The following PCDHA2 variants were observed in gnomAD, a reference collection of about 807,000 sequenced individuals.
The protein encoded by PCDHA2 is protocadherin alpha 2.
Under a neutral mutation model 66.0 loss-of-function variants are expected in PCDHA2, and 58 were observed. That is an observed-to-expected ratio of 0.88 (90% CI 0.71 to 1.09). PCDHA2 has a LOEUF of 1.09. Among genes scored for constraint, PCDHA2 ranks in the 50% least tolerant of loss-of-function variants. The pLI is 0.00. For missense variants in PCDHA2, 1,267 were observed against 1,242.3 expected, an observed-to-expected ratio of 1.02 and a Z score of -0.30; for synonymous variants, 634 against 554.0, an observed-to-expected ratio of 1.14 and a Z score of -2.03.
At chr5:140,927,399 TC>T (rs781939330) in intron 1 of PCDHA2, 1 of 1,614,076 alleles carries the variant, frequency 6.2e-7, no homozygotes. Context: ...GTCAGCACTT[TC>T]GCCTGGACAT....
chr5:140,869,249 C>T (rs1554162740), intron 1 of PCDHA2: 2 of 1,613,496 alleles, frequency 1.2e-6, no homozygotes, highest in Admixed American at 3.3e-5. Flanking sequence ...GGCCGCATCG[C>T]GCAGGACCTG....
intron 1 of PCDHA2, chr5:140,857,451 C>T (rs782451627): frequency 1.3e-6 from 2 of 1,598,488 alleles, no homozygotes; most frequent in Non-Finnish European, 1.7e-6. Flanking sequence ...GAGAACAACC[C>T]GCCAGGCTGC....
intron 1 of PCDHA2, chr5:140,926,614 C>A (rs2083406581): frequency 5.3e-6 from 2 of 377,642 alleles, no homozygotes; most frequent in Admixed American, 4.4e-5. Context: ...TCTCTGCACC[C>A]CTAGGCGGCG....
At chr5:140,802,929 A>C in intron 1 of PCDHA2, 1 of 1,613,804 alleles carries the variant, frequency 6.2e-7, no homozygotes, top group Non-Finnish European at 8.5e-7. Flanking sequence ...TGGCGCAGTG[A>C]GCGAGCTGGT....
intron 1 of PCDHA2, among the ~76,000 whole-genome samples, chr5:140,935,338 T>C (rs2090317634): frequency 1.3e-5 from 2 of 152,364 alleles, no homozygotes; most frequent in African/African-American, 4.8e-5. Context: ...ATTTCTCCCA[T>C]ACGTCAAATC....
At chr5:140,867,556 A>G (rs578116609) in intron 1 of PCDHA2, 33 of 152,264 alleles carry the variant, frequency 2.2e-4, no homozygotes, top group African/African-American at 7.5e-4. Flanking sequence ...TACACATATG[A>G]TAACTTTTTC....
chr5:140,957,954 T>G (rs2095401085), intron 1 of PCDHA2, among the ~76,000 whole-genome samples: 2 of 152,138 alleles, frequency 1.3e-5, no homozygotes, highest in Admixed American at 1.3e-4. Context: ...TTAAGACTAT[T>G]AATTCAGAGA....
Position 140,902,287 on chromosome 5 carries a change from C to T in PCDHA2, c.2389-76662C>T, listed in dbSNP as rs150308530. Among the ~76,000 whole-genome samples the T allele has an allele frequency of 1.9e-3, 280 of 150,946 alleles. 2 individuals are homozygous for T. The highest frequency in any genetic ancestry group is 6.5e-3 in the African/African-American group (266 of 41,018). ...TCCTGGGCTCAAGCAATCCTCCTGC[C>T]TCAGCCTCCCAAAGTGCTGGGATTA... is the stretch of plus-strand genomic sequence containing the variant. On this transcript the variant is annotated intron_variant, in intron 1 of 3. Transcript: ENST00000526136.
chr5:140,882,132 A>C, intron 1 of PCDHA2: 1 of 1,475,878 alleles, frequency 6.8e-7, no homozygotes. Flanking sequence ...TTCTTCCTGC[A>C]GAAAATATAG....
At chr5:141,001,216 G>T (rs938133871) in intron 3 of PCDHA2, among the ~76,000 whole-genome samples, 1 of 152,082 alleles carries the variant, frequency 6.6e-6, no homozygotes, top group Non-Finnish European at 1.5e-5. Context: ...GCTGTATAAG[G>T]ATAGTTACAT....
intron 1 of PCDHA2, chr5:140,843,336 G>A (rs2150357721): frequency 6.3e-7 from 1 of 1,596,074 alleles, no homozygotes; most frequent in South Asian, 1.1e-5. Context: ...CTGGTGGAGA[G>A]CGGCCAGGCT....
intron 1 of PCDHA2, among the ~76,000 whole-genome samples, chr5:140,954,899 T>C (rs2095107956): frequency 6.6e-6 from 1 of 152,196 alleles, no homozygotes; most frequent in South Asian, 2.1e-4. Flanking sequence ...GTTTTTATAG[T>C]TTCATACTTT....
chr5:140,822,334 G>A (rs2150115607), intron 1 of PCDHA2: 40,101 of 1,614,120 alleles, frequency 0.025, 600 homozygotes, highest in Non-Finnish European at 0.03. Flanking sequence ...AAATGAAGAA[G>A]AAACGAACTT....
Position 140,796,955 on chromosome 5 carries a change from C to G in PCDHA2, c.1991C>G (p.Thr664Ser), listed in dbSNP as rs1554120220. 6.2e-7 allele frequency: 1 copy of G among 1,613,830 alleles called. No homozygotes were observed. The highest frequency in any genetic ancestry group is 8.5e-7 in the Non-Finnish European group (1 of 1,179,988). Residue 664 changes from threonine (T) to serine (S), a missense_variant, in exon 1 of 4, where the codon ACC becomes AGC. By Grantham distance (58) the Thr-to-Ser change is moderately conservative (BLOSUM62 1). Coordinates refer to ENST00000526136, the MANE Select transcript of PCDHA2 (RefSeq NM_018905.3). ...HGEPALTATA[T>S]VLVSLVESGQ... ...GAACCAGCGTTGACAGCCACGGCCA[C>G]CGTGTTAGTGTCGTTGGTGGAAAGT...
intron 1 of PCDHA2, chr5:140,828,559 C>A (rs2150156735): frequency 8.1e-6 from 13 of 1,614,056 alleles, no homozygotes; most frequent in Non-Finnish European, 1.1e-5. Flanking sequence ...CACTGGAGGG[C>A]GCGTCCGATG....
intron 1 of PCDHA2, among the ~76,000 whole-genome samples, chr5:140,872,990 A>G (rs987650775): frequency 1.1e-4 from 17 of 152,184 alleles, no homozygotes; most frequent in African/African-American, 3.6e-4. Flanking sequence ...AAGATCATTT[A>G]CTTCTGAGTC....
chr5:140,801,539 G>C, intron 1 of PCDHA2: 1 of 1,614,262 alleles, frequency 6.2e-7, no homozygotes, highest in Non-Finnish European at 8.5e-7. Context: ...ACAGGCCGCT[G>C]CAGGTTTTCC....
chr5:140,883,859 T>C (rs1554180306), intron 1 of PCDHA2: 12 of 1,613,116 alleles, frequency 7.4e-6, no homozygotes, highest in East Asian at 2.2e-5. Context: ...GCTGGAGCTG[T>C]TGCAGTTCCA....
At chr5:140,956,958 A>C (rs970237928) in intron 1 of PCDHA2, among the ~76,000 whole-genome samples, 4 of 134,798 alleles carry the variant, frequency 3.0e-5, no homozygotes, top group Non-Finnish European at 6.6e-5. Context: ...AAACACTGTA[A>C]TTAATCAGTC....
Sources: allele counts gnomAD v4.1 joint callset (sites outside exome capture counted in the v4.1 genomes callset), GRCh38; gene constraint gnomAD v4.1.1; transcripts MANE v1.5; gene names NCBI Gene and HGNC (gene_info 2026-07-23, HGNC 2026-07-21).